PAXIP1: variants seen among roughly 807,000 people sequenced by gnomAD.
PAXIP1 encodes PAX interacting protein 1, also known as PAX-interacting protein 1.
PAXIP1 carries 19 observed loss-of-function variants against 140.6 expected under a neutral mutation model. The ratio of observed to expected loss-of-function variants is 0.14; its 90% CI spans 0.09 to 0.20. PAXIP1 has a LOEUF of 0.20. PAXIP1 is among the 10% of genes least tolerant of loss of function. PAXIP1 has a pLI of 1.00. For missense variants in PAXIP1, 920 were observed against 1,208.6 expected, an observed-to-expected ratio of 0.76 and a Z score of 3.54; for synonymous variants, 442 against 444.6, an observed-to-expected ratio of 0.99 and a Z score of 0.07.
At position 154,976,060 on chromosome 7, in the gene PAXIP1, T is replaced by C; in HGVS notation, c.710A>G (p.Lys237Arg). The C allele has an allele frequency of 3.1e-6, 5 of 1,594,578 alleles. No homozygotes were observed. The highest frequency in any genetic ancestry group is 4.3e-6 in the Non-Finnish European group (5 of 1,169,140). Residue 237 changes from lysine (K) to arginine (R), a missense_variant, in exon 6 of 21, where the codon AAA (lysine) becomes AGA (arginine). Coordinates refer to ENST00000404141, the MANE Select transcript of PAXIP1 (RefSeq NM_007349.4). ...SPSGDQQFSP[K>R]SNTEKSKGEL... Reference sequence around the variant, plus strand: ...CCCTTTAGATTTTTCAGTGTTGGATTTAGGTGAAAACTGCTGGTCACCTGA... The same window carrying C: ...CCCTTTAGATTTTTCAGTGTTGGATCTAGGTGAAAACTGCTGGTCACCTGA...
rs771115621 is a variant in PAXIP1, at chr7:154,944,169, G to A, written c.3195-5C>T. The A allele has an allele frequency of 1.9e-6, 3 of 1,599,430 alleles. No individual in the cohort carries two copies. The highest frequency in any genetic ancestry group is 2.6e-6 in the Non-Finnish European group (3 of 1,170,840). ...CGCCATCAGTTAAACTTATATGTAG[G>A]CTTGTTGAGGAAAACGACTTTCAAA... On this transcript the variant is annotated splice_polypyrimidine_tract_variant and splice_region_variant and intron_variant, in intron 20 of 20. Transcript: ENST00000404141.
Position 154,960,924 on chromosome 7 carries a change from G to A in PAXIP1, c.2403C>T (p.Ala801=). Residue 801 remains alanine (A), a synonymous_variant, in exon 12 of 21, where the codon GCC becomes GCT. Coordinates refer to ENST00000404141, the MANE Select transcript of PAXIP1 (RefSeq NM_007349.4). The stretch of plus-strand genomic sequence containing the variant: ...GATTTAAAACTAAATGCTGGGTAGG[G>A]GCAAATGGATCCTGCAGACTGAATG... The part of the protein sequence containing the change: ...YTAFSLQDPF[A]PTQHLVLNLL... The A allele has an allele frequency of 6.3e-7, 1 of 1,598,706 alleles. No individual in the cohort carries two copies. Among genetic ancestry groups the A allele is most frequent in the Non-Finnish European group, 8.5e-7 (1 of 1,172,974 alleles).
intron 3 of PAXIP1, among the ~76,000 whole-genome samples, chr7:154,991,794 G>A (rs1345003030): frequency 6.6e-6 from 1 of 152,056 alleles, no homozygotes; most frequent in Non-Finnish European, 1.5e-5. Flanking sequence ...GACTTTTTTT[G>A]AATAATTTGG....
At chr7:154,972,276 CAGG>C (rs1461847409) in intron 6 of PAXIP1, among the ~76,000 whole-genome samples, 1 of 152,196 alleles carries the variant, frequency 6.6e-6, no homozygotes, top group African/African-American at 2.4e-5. Flanking sequence ...CACCTGAAGT[CAGG>C]AGTTCGAGAC....
At position 154,968,480 on chromosome 7, in the gene PAXIP1, G is replaced by C. The variant is rs745946971; in HGVS notation, c.1721C>G (p.Pro574Arg). 5.7e-6 allele frequency: 7 copies of C among 1,217,852 alleles called. No homozygotes were observed. Among genetic ancestry groups the C allele is most frequent in the Non-Finnish European group, 8.3e-6 (7 of 845,410 alleles). The allele number at this position is 1,217,852 out of a possible 1,614,324, so 75.4% of individuals were successfully genotyped here. A position where few individuals can be genotyped will look rare whatever the true frequency, so the allele number is the denominator to read the frequency against. The change falls in exon 7 of 21, where the codon CCG becomes CGG. Residue 574 changes from proline (P) to arginine (R), a missense_variant. Around this residue, in one of 5 missense-constraint regions of PAXIP1, gnomAD observed 133 missense variants for 88.4 expected, o/e 1.50. Transcript: ENST00000404141. ...LQHQVPPQQP[P>R]QQQQQQQPPP... ...TGGCTGCTGTTGCTGCTGCTGCTGC[G>C]GGGGCTGCTGAGGTGGAACCTGATG...
In PAXIP1 at chr7:154,986,046, G is replaced by A. The variant is rs779336727; in HGVS notation, c.325-2714C>T. 2.8e-5 allele frequency: 38 copies of A among 1,365,368 alleles called. No homozygotes were observed. Among genetic ancestry groups the A allele is most frequent in the Non-Finnish European group, 3.6e-5 (37 of 1,021,468 alleles). 84.6% of individuals were successfully genotyped at this position (1,365,368 alleles called of 1,614,324 possible). On this transcript the variant is annotated intron_variant, in intron 4 of 20. Coordinates refer to ENST00000404141, the MANE Select transcript of PAXIP1 (RefSeq NM_007349.4). The surrounding 1 kb of genome is among the most constrained non-coding windows in gnomAD (Gnocchi z 4.8). The stretch of plus-strand genomic sequence containing the variant: ...CACATTACAACAGAGGCCTCAGCCT[G>A]CATCAATACCGGGTCAGAAGAAGGC...
At chr7:154,979,754 T>C (rs1348339095) in intron 5 of PAXIP1, among the ~76,000 whole-genome samples, 1 of 152,130 alleles carries the variant, frequency 6.6e-6, no homozygotes, top group East Asian at 1.9e-4. Context: ...TTTTATAGAC[T>C]GGTGCTTCTC....
At chr7:154,970,515 T>C (rs980285216) in intron 6 of PAXIP1, among the ~76,000 whole-genome samples, 1 of 152,176 alleles carries the variant, frequency 6.6e-6, no homozygotes, top group Admixed American at 6.5e-5. Flanking sequence ...AACACCTGAG[T>C]GGAACTCTAA....
chr7:154,950,850 T>G (rs1483603123), intron 16 of PAXIP1: 1 of 152,246 alleles, frequency 6.6e-6, no homozygotes, highest in Non-Finnish European at 1.5e-5. Flanking sequence ...GGACGTATAT[T>G]GCTAAGCAAA....
At chr7:154,947,703 T>C in intron 17 of PAXIP1, 200 bp downstream of exon 17, 1 of 525,684 alleles carries the variant, frequency 1.9e-6, no homozygotes, top group Non-Finnish European at 3.4e-6. Context: ...TAAAGAAAAG[T>C]TCTCTAGAGA....
intron 16 of PAXIP1, 86 bp from the exon 17 acceptor site, chr7:154,948,089 A>T: frequency 1.2e-6 from 1 of 840,618 alleles, no homozygotes; most frequent in Non-Finnish European, 2.1e-6. Flanking sequence ...GCCCATATTC[A>T]GGTACATAAT....
intron 16 of PAXIP1, chr7:154,951,165 T>A (rs1808255995): frequency 6.6e-6 from 1 of 152,262 alleles, no homozygotes; most frequent in Non-Finnish European, 1.5e-5. Flanking sequence ...AACTATGGAC[T>A]CTGGGTGACT....
chr7:154,988,808 A>G (rs1416392500), intron 4 of PAXIP1, among the ~76,000 whole-genome samples: 1 of 152,218 alleles, frequency 6.6e-6, no homozygotes, highest in African/African-American at 2.4e-5. Context: ...AACCAGTGCA[A>G]ATAAAATTAA....
In PAXIP1 at chr7:154,965,360, T is replaced by C. The variant is rs538242096; in HGVS notation, c.1894-1594A>G. The C allele has an allele frequency of 3.9e-5, 6 of 152,424 alleles. No homozygotes were observed. The East Asian group carries it at 1.2e-3, about 29-fold the overall frequency. The allele number at this position is 152,424 out of a possible 1,614,324, so 9.4% of individuals were successfully genotyped here. A position where few individuals can be genotyped will look rare whatever the true frequency, so the allele number is the denominator to read the frequency against. On this transcript the variant is annotated intron_variant, in intron 8 of 20. Coordinates refer to ENST00000404141, the MANE Select transcript of PAXIP1 (RefSeq NM_007349.4). ...ACCGCCCTGCCAAGCTGTTGCAGGA[T>C]TTCTGACCCACGACCAAACTGAGAG...
In PAXIP1 at chr7:154,975,760, G is replaced by A; in HGVS notation, c.1010C>T (p.Thr337Ile). Reference protein sequence around the residue: ...MIATWSPAVRTLRNITNNADI... With the variant: ...MIATWSPAVRILRNITNNADI... Reference sequence around the variant, plus strand: ...AGCATTATTAGTAATATTCCTCAGTGTCCGTACAGCTGGACTCCAGGTAGC... The same window carrying A: ...AGCATTATTAGTAATATTCCTCAGTATCCGTACAGCTGGACTCCAGGTAGC... The change falls in exon 6 of 21, where the codon ACA becomes ATA. Residue 337 changes from threonine (T) to isoleucine (I), a missense_variant. This residue lies in a region of PAXIP1 where 419 missense variants were observed against 514.7 expected (regional missense o/e 0.81). Coordinates refer to ENST00000404141, the MANE Select transcript of PAXIP1 (RefSeq NM_007349.4). 6.2e-7 allele frequency: 1 copy of A among 1,613,840 alleles called. No individual in the cohort carries two copies. Among genetic ancestry groups the A allele is most frequent in the Non-Finnish European group, 8.5e-7 (1 of 1,179,774 alleles).
At chr7:154,965,633 C>T (rs997499128) in intron 8 of PAXIP1, 1 of 152,190 alleles carries the variant, frequency 6.6e-6, no homozygotes, top group Non-Finnish European at 1.5e-5. Flanking sequence ...TATACTTCCC[C>T]TTAATGAATA....
Position 154,954,384 on chromosome 7 carries a change from G to T in PAXIP1, c.2692C>A (p.Gln898Lys). 2 of 1,593,238 alleles carry T rather than the reference G, an allele frequency of 1.3e-6. No homozygotes were observed. The highest frequency in any genetic ancestry group is 1.7e-6 in the Non-Finnish European group (2 of 1,165,610). The change falls in exon 16 of 21, where the codon CAG becomes AAG. Residue 898 changes from glutamine to lysine, a missense_variant. By Grantham distance (53) the Gln-to-Lys change is moderately conservative (BLOSUM62 1). Coordinates refer to ENST00000404141, the MANE Select transcript of PAXIP1 (RefSeq NM_007349.4). The surrounding 1 kb of genome is among the most constrained non-coding windows in gnomAD (Gnocchi z 5.1). ...ILGGEVAESA[Q>K]KCTHLIASKV... ...CTGGCAATGAGGTGTGTGCACTTCT[G>T]TGCAGACTCCGCAACCTCTCCACCA...
chr7:154,973,492 CT>C lies in PAXIP1; in HGVS notation c.1074+2203del, dbSNP rs1319260728. Among the ~76,000 whole-genome samples the C allele has an allele frequency of 6.6e-6, 1 of 152,160 alleles. No individual in the cohort carries two copies. The highest frequency in any genetic ancestry group is 2.4e-5 in the African/African-American group (1 of 41,430). ...CTCCTCAAACCCGATGACCTTCTCT[CT>C]CTGCTCACCTTCTCCCCCACCATCT... On this transcript the variant is annotated intron_variant, in intron 6 of 20. Coordinates refer to ENST00000404141, the MANE Select transcript of PAXIP1 (RefSeq NM_007349.4). The surrounding 1 kb of genome is among the most constrained non-coding windows in gnomAD (Gnocchi z 4.0).
chr7:154,948,515 C>T (rs12539955), intron 16 of PAXIP1: 87,446 of 151,094 alleles, frequency 0.58, 25,432 homozygotes, highest in Admixed American at 0.65. Flanking sequence ...ACCACAGCAC[C>T]CCAGCCTGGG....
Sources: gnomAD v4.1 joint callset for allele counts (sites outside exome capture counted in the v4.1 genomes callset) on GRCh38, gnomAD v4.1.1 for gene constraint, gnomAD v4.1.1 regional missense constraint, Gnocchi (gnomAD v3.1) non-coding constraint, MANE v1.5 for transcripts, NCBI Gene and HGNC (gene_info 2026-07-23, HGNC 2026-07-21) for gene names.